SLC4A8: variants seen among roughly 807,000 people sequenced by gnomAD.
SLC4A8 encodes the protein solute carrier family 4 member 8, also known as electroneutral sodium bicarbonate exchanger 1.
SLC4A8 carries 40 observed loss-of-function variants against 125.0 expected under a neutral mutation model. The observed-to-expected ratio is 0.32, with a 90% CI of 0.25 to 0.42. The LOEUF is 0.42. Ranked by LOEUF, SLC4A8 falls within the 10% of genes least tolerant of loss-of-function variation. The pLI is 1.00. For missense variants in SLC4A8, 863 were observed against 1,355.1 expected (o/e 0.64, Z 5.70); for synonymous variants, 456 against 476.0 (o/e 0.96, Z 0.55).
chr12:51,504,144 G>A (rs1447176171), intron 23 of SLC4A8, 24 bp downstream of exon 23: 2 of 1,380,116 alleles, frequency 1.4e-6, no homozygotes, highest in Non-Finnish European at 1.0e-6. Context: ...ACACCAAGGA[G>A]TTTACTTTTG....
intron 14 of SLC4A8, among the ~76,000 whole-genome samples, chr12:51,473,588 A>G (rs189264944): frequency 6.6e-6 from 1 of 152,300 alleles, no homozygotes; most frequent in Non-Finnish European, 1.5e-5. Context: ...ATGCTTATTA[A>G]ATTCACAGAC....
At chr12:51,400,152 A>G (rs1293365359) in intron 1 of SLC4A8, among the ~76,000 whole-genome samples, 2 of 152,198 alleles carry the variant, frequency 1.3e-5, no homozygotes, top group Non-Finnish European at 2.9e-5. Context: ...AGATAAATCC[A>G]GAGGCCTTTG....
intron 16 of SLC4A8, among the ~76,000 whole-genome samples, chr12:51,481,625 T>G (rs1951029927): frequency 6.6e-6 from 1 of 152,134 alleles, no homozygotes; most frequent in East Asian, 1.9e-4. Flanking sequence ...TCCTTTACTT[T>G]AGGTAAAAAA....
At chr12:51,398,839 T>G (rs1948316846) in intron 1 of SLC4A8, among the ~76,000 whole-genome samples, 1 of 152,204 alleles carries the variant, frequency 6.6e-6, no homozygotes, top group Non-Finnish European at 1.5e-5. Flanking sequence ...AATCTCTGCC[T>G]CCCGGGTTCA....
At chr12:51,440,565 G>A (rs1015010279) in intron 1 of SLC4A8, 143 bp from the exon 2 acceptor site, 2 of 613,386 alleles carry the variant, frequency 3.3e-6, no homozygotes, top group Non-Finnish European at 5.7e-6. Context: ...CATCTAAAAG[G>A]TATTGTGAAG....
chr12:51,429,968 A>T (rs1949133711), intron 1 of SLC4A8, among the ~76,000 whole-genome samples: 1 of 151,848 alleles, frequency 6.6e-6, no homozygotes, highest in Non-Finnish European at 1.5e-5. Context: ...AAGCAGAAGG[A>T]AGTGTTGAAA....
intron 23 of SLC4A8, among the ~76,000 whole-genome samples, chr12:51,505,400 A>G (rs1938124009): frequency 6.6e-6 from 1 of 152,236 alleles, no homozygotes; most frequent in Non-Finnish European, 1.5e-5. Context: ...TTAAGATACT[A>G]GGAAAGTCCT....
chr12:51,412,157 C>A (rs1948608004), intron 1 of SLC4A8, among the ~76,000 whole-genome samples: 1 of 151,564 alleles, frequency 6.6e-6, no homozygotes, highest in South Asian at 2.1e-4. Context: ...TTTTTTTTGG[C>A]CTAATAATCA....
chr12:51,476,644 G>A (rs1337630937), intron 16 of SLC4A8, among the ~76,000 whole-genome samples: 4 of 152,138 alleles, frequency 2.6e-5, no homozygotes, highest in South Asian at 4.2e-4. Context: ...GCTGGCGAGA[G>A]ATCTACCATC....
chr12:51,406,698 G>A (rs898452705), intron 1 of SLC4A8, among the ~76,000 whole-genome samples: 3 of 152,326 alleles, frequency 2.0e-5, no homozygotes, highest in Admixed American at 2.0e-4. Flanking sequence ...GCCCCTGTTA[G>A]TCCTCATAAT....
At chr12:51,421,318 A>G (rs1265838340), upstream of SLC4A8, among the ~76,000 whole-genome samples, 1 of 152,130 alleles carries the variant, frequency 6.6e-6, no homozygotes, top group African/African-American at 2.4e-5. Context: ...AGCCAAGTGA[A>G]CCAGCTTTTT....
At chr12:51,436,149 G>A (rs76081129) in intron 1 of SLC4A8, among the ~76,000 whole-genome samples, 1 of 152,042 alleles carries the variant, frequency 6.6e-6, no homozygotes. Flanking sequence ...CTCTCTTGCC[G>A]AGAATCCCAG....
chr12:51,481,463 G>A (rs7137697), intron 16 of SLC4A8, among the ~76,000 whole-genome samples: 140,964 of 152,186 alleles, frequency 0.93, 65,343 homozygotes, highest in Non-Finnish European at 0.95. Context: ...TGATCCCCAA[G>A]CAAGTGCTGA....
Position 51,451,027 on chromosome 12 carries a change from G to A in SLC4A8, c.277+5G>A, listed in dbSNP as rs994482053. On this transcript the variant is annotated splice_donor_5th_base_variant and intron_variant, in intron 3 of 24. Transcript: ENST00000453097. ...GCCTGGAAGCCCTGGCCCACGGTAAGGGCCTTGGGAGACAGGGCGGGTGTC... is the reference window on the plus strand; with the variant it reads ...GCCTGGAAGCCCTGGCCCACGGTAAAGGCCTTGGGAGACAGGGCGGGTGTC... 2 of 1,486,554 alleles carry A rather than the reference G, an allele frequency of 1.3e-6. No homozygotes were observed. Among genetic ancestry groups the A allele is most frequent in the East Asian group, 2.5e-5 (1 of 40,144 alleles). 92.1% of individuals were successfully genotyped at this position (1,486,554 alleles called of 1,614,324 possible).
At chr12:51,444,208 C>T (rs759019368) in intron 2 of SLC4A8, among the ~76,000 whole-genome samples, 8 of 152,124 alleles carry the variant, frequency 5.3e-5, no homozygotes, top group Non-Finnish European at 8.8e-5. Context: ...CACTGGGTGG[C>T]CAGAATCCAG....
At chr12:51,428,332 A>C (rs1452173610) in intron 1 of SLC4A8, among the ~76,000 whole-genome samples, 1 of 152,208 alleles carries the variant, frequency 6.6e-6, no homozygotes, top group Admixed American at 6.5e-5. Flanking sequence ...GGGGACAAGC[A>C]GAAAATCTTC....
At chr12:51,403,212 C>T (rs960192295) in intron 1 of SLC4A8, 2 of 456,914 alleles carry the variant, frequency 4.4e-6, no homozygotes, top group South Asian at 1.5e-5. Context: ...TCGCTACCGC[C>T]GGGGAGACCC....
rs1162557156 is a variant in SLC4A8 at position 51,510,657 on chromosome 12, A to G, written c.*3219A>G. 6.6e-6 allele frequency: 1 copy of G among 152,136 alleles called. No homozygotes were observed. Among genetic ancestry groups the G allele is most frequent in the African/African-American group, 2.4e-5 (1 of 41,420 alleles). 9.4% of individuals were successfully genotyped at this position (152,136 alleles called of 1,614,324 possible). On this transcript the variant is annotated 3_prime_UTR_variant, in exon 25 of 25. Coordinates refer to ENST00000453097, the MANE Select transcript of SLC4A8 (RefSeq NM_001039960.3). ...CAGTTCACTACTGACATCAGACTCA[A>G]CTTTGTCCCCTCTCTTTCTTTTCAT... is the stretch of plus-strand genomic sequence containing the variant.
rs770378665 is a variant in SLC4A8, at chr12:51,489,090, G to A, written c.2448+230G>A. Among the ~76,000 whole-genome samples, 4 of 152,226 alleles carry A rather than the reference G, an allele frequency of 2.6e-5. No homozygotes were observed. In the South Asian group the frequency reaches 8.3e-4, roughly 32 times the overall value. On this transcript the variant is annotated intron_variant, in intron 18 of 24. Coordinates refer to ENST00000453097, the MANE Select transcript of SLC4A8 (RefSeq NM_001039960.3). ...CTCTCCTCTCACACCTGTGGGGAAG[G>A]TGATTGGGTAGAGTTCCTGGTGATC...
Sources: allele counts gnomAD v4.1 joint callset (sites outside exome capture counted in the v4.1 genomes callset), GRCh38; gene constraint gnomAD v4.1.1; transcripts MANE v1.5; gene names NCBI Gene and HGNC (gene_info 2026-07-23, HGNC 2026-07-21).